The following PDE11A variants were observed in gnomAD, a reference collection of about 807,000 sequenced individuals.
PDE11A encodes the protein phosphodiesterase 11A.
Under a neutral mutation model 100.5 loss-of-function variants are expected in PDE11A, and 100 were observed. The ratio of observed to expected loss-of-function variants is 1.00; its 90% CI spans 0.85 to 1.18. The LOEUF (loss-of-function observed/expected upper bound fraction) is 1.18. Among genes scored for constraint, PDE11A ranks in the 50% most tolerant of loss-of-function variants. PDE11A has a pLI of 0.00. For synonymous variants in PDE11A, 381 were observed against 420.8 expected (o/e 0.91, Z 1.16); for missense variants, 1,141 against 1,152.6 (o/e 0.99, Z 0.15).
intron 9 of PDE11A, among the ~76,000 whole-genome samples, chr2:177,802,465 A>G (rs1156961066): frequency 6.6e-6 from 1 of 152,086 alleles, no homozygotes; most frequent in African/African-American, 2.4e-5. Context: ...AGTATTGATC[A>G]AGAGGAGAAT....
At chr2:177,657,638 G>T (rs1421638785) in intron 19 of PDE11A, among the ~76,000 whole-genome samples, 1 of 151,736 alleles carries the variant, frequency 6.6e-6, no homozygotes, top group Non-Finnish European at 1.5e-5. Flanking sequence ...GGGGAGAGGG[G>T]CAGGGAGAGA....
intron 10 of PDE11A, among the ~76,000 whole-genome samples, chr2:177,767,558 A>T (rs532220391): frequency 3.3e-5 from 5 of 152,330 alleles, no homozygotes; most frequent in African/African-American, 1.2e-4. Context: ...CATAAATAGG[A>T]TTCCTAAATA....
intron 10 of PDE11A, among the ~76,000 whole-genome samples, chr2:177,731,124 T>C (rs2081682504): frequency 6.6e-6 from 1 of 152,252 alleles, no homozygotes; most frequent in Non-Finnish European, 1.5e-5. Context: ...TTTTCTTTTT[T>C]TTAAGCTGAA....
At chr2:177,972,069 T>A (rs1227400249) in intron 2 of PDE11A, among the ~76,000 whole-genome samples, 1 of 152,234 alleles carries the variant, frequency 6.6e-6, no homozygotes, top group African/African-American at 2.4e-5. Flanking sequence ...ATACAAAAGC[T>A]AAATCCATCA....
chr2:177,820,396 T>A, intron 6 of PDE11A, 101 bp from the exon 7 acceptor site: 2 of 747,638 alleles, frequency 2.7e-6, no homozygotes, highest in Non-Finnish European at 4.7e-6. Flanking sequence ...AAATAACTTT[T>A]TAAAGCTATT....
At chr2:177,632,634 C>T (rs2079969661) in intron 19 of PDE11A, among the ~76,000 whole-genome samples, 1 of 152,140 alleles carries the variant, frequency 6.6e-6, no homozygotes, top group Non-Finnish European at 1.5e-5. Context: ...CTTCCTTGTA[C>T]TCTCTGACTT....
At chr2:177,895,531 G>C (rs977654042) in intron 4 of PDE11A, among the ~76,000 whole-genome samples, 17 of 151,630 alleles carry the variant, frequency 1.1e-4, no homozygotes, top group Admixed American at 1.1e-3. Flanking sequence ...TCCAGCCTGG[G>C]GGACAGGGCG....
chr2:177,813,671 T>C (rs1219597284), intron 9 of PDE11A, among the ~76,000 whole-genome samples: 1 of 152,056 alleles, frequency 6.6e-6, no homozygotes, highest in East Asian at 1.9e-4. Context: ...TGTGGTGCTG[T>C]CTCTTGAGTC....
chr2:177,851,765 G>A (rs1226093821), intron 5 of PDE11A, among the ~76,000 whole-genome samples: 2 of 151,942 alleles, frequency 1.3e-5, no homozygotes, highest in Non-Finnish European at 2.9e-5. Flanking sequence ...TAAGTTCAGG[G>A]GTACATGTTC....
intron 2 of PDE11A, among the ~76,000 whole-genome samples, chr2:177,957,807 G>A (rs2085583369): frequency 6.6e-6 from 1 of 151,658 alleles, no homozygotes; most frequent in African/African-American, 2.4e-5. Flanking sequence ...AATCTAGAAA[G>A]TCTTCAAAGA....
rs1259729220 is a variant in PDE11A, at chr2:177,991,860, T to C, written c.1071+22442A>G. On this transcript the variant is annotated intron_variant, in intron 2 of 19. Coordinates refer to ENST00000286063, the MANE Select transcript of PDE11A (RefSeq NM_016953.4). Reference sequence around the variant, plus strand: ...TAAGTTTTTTGAGATTTCTTTTTAATTGGGTACATACTTAAGGGAAGAGAT... The same window carrying C: ...TAAGTTTTTTGAGATTTCTTTTTAACTGGGTACATACTTAAGGGAAGAGAT... Among the ~76,000 whole-genome samples the C allele has an allele frequency of 6.0e-5, 9 of 151,244 alleles. No homozygotes were observed. In the South Asian group the frequency reaches 1.3e-3, roughly 21 times the overall value.
At chr2:178,009,071 A>G (rs1045579233) in intron 2 of PDE11A, among the ~76,000 whole-genome samples, 14 of 152,216 alleles carry the variant, frequency 9.2e-5, no homozygotes, top group Non-Finnish European at 1.8e-4. Flanking sequence ...GGAACCTGGG[A>G]AGGCAGATAA....
intron 19 of PDE11A, among the ~76,000 whole-genome samples, chr2:177,646,375 T>C (rs1416269495): frequency 1.3e-5 from 2 of 152,240 alleles, no homozygotes; most frequent in Non-Finnish European, 2.9e-5. Flanking sequence ...CTACTGAGTA[T>C]TCATGTGCCC....
chr2:177,675,653 G>A, intron 16 of PDE11A, 135 bp from the exon 17 acceptor site: 1 of 737,282 alleles, frequency 1.4e-6, no homozygotes, highest in Non-Finnish European at 2.5e-6. Flanking sequence ...TCAACAAGGG[G>A]CAGCACTGTT....
chr2:177,851,041 T>C (rs1409871537), intron 5 of PDE11A, among the ~76,000 whole-genome samples: 1 of 152,178 alleles, frequency 6.6e-6, no homozygotes, highest in Non-Finnish European at 1.5e-5. Context: ...ACTGGGTATA[T>C]ACCCAAAGGA....
chr2:177,992,360 T>C (rs144369819), intron 2 of PDE11A, among the ~76,000 whole-genome samples: 2 of 151,540 alleles, frequency 1.3e-5, no homozygotes, highest in African/African-American at 4.8e-5. Flanking sequence ...TGGAAAAAGA[T>C]TCCAGGGCAT....
At chr2:177,711,732 C>T (rs773117113) in intron 13 of PDE11A, 37 bp downstream of exon 13, 3 of 1,122,280 alleles carry the variant, frequency 2.7e-6, no homozygotes, top group Non-Finnish European at 4.1e-6. Flanking sequence ...AACAGAAAGG[C>T]AAATGCATTA....
rs1169150931 is a variant in PDE11A at position 177,966,789 on chromosome 2, C to T, written c.1071+47513G>A. Among the ~76,000 whole-genome samples the T allele has an allele frequency of 3.9e-5, 6 of 152,212 alleles. No homozygotes were observed. The East Asian group carries it at 1.2e-3, about 29-fold the overall frequency. On this transcript the variant is annotated intron_variant, in intron 2 of 19. Transcript: ENST00000286063. ...TTTTGAGAATTTTTACATTTATGTT[C>T]ATCAGGGATGTATGCCTGAAATTTT...
intron 16 of PDE11A, among the ~76,000 whole-genome samples, chr2:177,679,840 A>C (rs3770020): frequency 0.12 from 17,821 of 151,952 alleles, 1,301 homozygotes; most frequent in Middle Eastern, 0.2. Context: ...GTAAGGGGCG[A>C]GGAGGTGGAA....
Sources: gnomAD v4.1 joint callset for allele counts (sites outside exome capture counted in the v4.1 genomes callset) on GRCh38, gnomAD v4.1.1 for gene constraint, MANE v1.5 for transcripts, NCBI Gene and HGNC (gene_info 2026-07-23, HGNC 2026-07-21) for gene names.